The following STRN3 variants were observed in gnomAD, a reference collection of about 807,000 sequenced individuals.
The protein encoded by STRN3 is striatin 3.
In STRN3, 29 loss-of-function variants were observed where a neutral mutation model predicts 95.6. That is an observed-to-expected ratio of 0.30 (90% CI 0.23 to 0.41). STRN3 has a LOEUF of 0.41. Among genes scored for constraint, STRN3 ranks in the 10% least tolerant of loss-of-function variants. The pLI, the probability that STRN3 is intolerant of heterozygous loss-of-function variation, is 1.00. For synonymous variants in STRN3, 331 were observed against 357.6 expected, an observed-to-expected ratio of 0.93 and a Z score of 0.84; for missense variants, 890 against 972.1, an observed-to-expected ratio of 0.92 and a Z score of 1.12.
chr14:30,983,693 A>C (rs1020758098), intron 1 of STRN3, among the ~76,000 whole-genome samples: 8 of 152,234 alleles, frequency 5.3e-5, no homozygotes, highest in African/African-American at 1.7e-4. Context: ...GAAATATTTA[A>C]GAGAGTTAAG....
At chr14:30,969,943 C>T (rs528391305) in intron 1 of STRN3, among the ~76,000 whole-genome samples, 1 of 152,244 alleles carries the variant, frequency 6.6e-6, no homozygotes, top group South Asian at 2.1e-4. Flanking sequence ...GACTGCTGTT[C>T]GTACAGCGAA....
In STRN3 at chr14:30,906,858, A is replaced by C. The variant is rs538131785; in HGVS notation, c.1888+19T>G. 1.1e-4 allele frequency: 168 copies of C among 1,592,874 alleles called. No individual in the cohort carries two copies. Among genetic ancestry groups the C allele is most frequent in the Non-Finnish European group, 1.4e-4 (167 of 1,171,172 alleles). On this transcript the variant is annotated intron_variant, in intron 14 of 17. Transcript: ENST00000357479. Reference sequence around the variant, plus strand: ...TTTTAAAAAAACTAACTTTTCTCACAGATGCAAAATTTACTTACTTTTATC... The same window carrying C: ...TTTTAAAAAAACTAACTTTTCTCACCGATGCAAAATTTACTTACTTTTATC...
chr14:30,985,974 G>A (rs535815017), intron 1 of STRN3, among the ~76,000 whole-genome samples: 3 of 152,186 alleles, frequency 2.0e-5, no homozygotes, highest in Admixed American at 1.3e-4. Context: ...GCACTTGTGT[G>A]CATGCGCTTT....
intron 1 of STRN3, among the ~76,000 whole-genome samples, chr14:30,965,729 G>T (rs146612425): frequency 1.6e-3 from 219 of 133,412 alleles, no homozygotes; most frequent in African/African-American, 5.6e-3. Context: ...AACGAGAATC[G>T]CTTGTACCAG....
intron 1 of STRN3, among the ~76,000 whole-genome samples, chr14:30,978,951 T>C (rs1255216816): frequency 6.9e-6 from 1 of 145,772 alleles, no homozygotes; most frequent in Non-Finnish European, 1.5e-5. Flanking sequence ...GGAGAATCGT[T>C]TGAACCCATG....
At chr14:30,929,972 A>AAAAAC (rs1878442092) in intron 7 of STRN3, among the ~76,000 whole-genome samples, 1 of 149,500 alleles carries the variant, frequency 6.7e-6, no homozygotes, top group African/African-American at 2.5e-5. Context: ...AAAAAAAAAA[A>AAAAAC]AAAAAAACTC....
At chr14:30,996,835 AGGGCT>A (rs145217776) in intron 1 of STRN3, among the ~76,000 whole-genome samples, 35,141 of 151,522 alleles carry the variant, frequency 0.23, 4,291 homozygotes, top group Non-Finnish European at 0.26. Context: ...CACTGCACTC[AGGGCT>A]GGGTGACAGA....
chr14:31,021,204 T>G (rs2750115), intron 1 of STRN3, among the ~76,000 whole-genome samples: 59,894 of 151,918 alleles, frequency 0.39, 12,572 homozygotes, highest in Non-Finnish European at 0.47. Flanking sequence ...TGTATTGAAT[T>G]TGAGGTAGAA....
intron 1 of STRN3, among the ~76,000 whole-genome samples, chr14:30,959,530 TTAAA>T (rs1380566177): frequency 6.6e-6 from 1 of 152,140 alleles, no homozygotes; most frequent in African/African-American, 2.4e-5. Context: ...TAATGACCAA[TTAAA>T]TAATAAATTT....
chr14:30,951,815 A>C (rs758397442), intron 3 of STRN3, among the ~76,000 whole-genome samples: 9 of 152,206 alleles, frequency 5.9e-5, no homozygotes, highest in Non-Finnish European at 1.2e-4. Context: ...ACACATTAAA[A>C]AAAATAATAA....
At chr14:31,012,095 C>T (rs933929198) in intron 1 of STRN3, among the ~76,000 whole-genome samples, 3 of 152,144 alleles carry the variant, frequency 2.0e-5, no homozygotes, top group African/African-American at 4.8e-5. Flanking sequence ...AAAAAGAAAA[C>T]AAAAAAGCAA....
chr14:30,945,713 T>C (rs982478585), intron 5 of STRN3, among the ~76,000 whole-genome samples: 14 of 152,178 alleles, frequency 9.2e-5, no homozygotes, highest in African/African-American at 3.4e-4. Flanking sequence ...ATGCATGCTA[T>C]AACACGGATA....
intron 1 of STRN3, among the ~76,000 whole-genome samples, chr14:31,013,709 T>C (rs1466423858): frequency 6.6e-6 from 1 of 151,696 alleles, no homozygotes; most frequent in East Asian, 1.9e-4. Flanking sequence ...TCCTCTCCCC[T>C]GAGCCTCCAA....
At chr14:30,960,665 C>G (rs1048283208) in intron 1 of STRN3, among the ~76,000 whole-genome samples, 1 of 151,672 alleles carries the variant, frequency 6.6e-6, no homozygotes, top group Non-Finnish European at 1.5e-5. Flanking sequence ...GTCAGGAGAT[C>G]GAGACCATCC....
intron 1 of STRN3, among the ~76,000 whole-genome samples, chr14:30,986,125 T>C (rs907283391): frequency 6.6e-6 from 1 of 152,154 alleles, no homozygotes; most frequent in African/African-American, 2.4e-5. Flanking sequence ...AGTGAAGGTA[T>C]AAAAGTTCCC....
At chr14:30,939,208 G>A (rs1878972776) in intron 5 of STRN3, among the ~76,000 whole-genome samples, 1 of 152,172 alleles carries the variant, frequency 6.6e-6, no homozygotes, top group South Asian at 2.1e-4. Flanking sequence ...CCAGAAGACT[G>A]TCTCTATCTT....
rs181293347 is a variant in STRN3, at chr14:30,965,909, C to T, written c.283-9667G>A. On this transcript the variant is annotated intron_variant, in intron 1 of 17. Transcript: ENST00000357479. ...TATGTCAGTATGTTCCACTCTTTGCCTTCTACTTTTAAACTTAACTTCCTC... is the reference window on the plus strand; with the variant it reads ...TATGTCAGTATGTTCCACTCTTTGCTTTCTACTTTTAAACTTAACTTCCTC... Among the ~76,000 whole-genome samples the T allele has an allele frequency of 9.2e-5, 14 of 152,074 alleles. No individual in the cohort carries two copies. The South Asian group carries it at 2.1e-3, about 23-fold the overall frequency.
At chr14:30,913,039 CCCTTCCATCCACTCCCCAAT>C (rs1896650012) in intron 10 of STRN3, among the ~76,000 whole-genome samples, 1 of 152,120 alleles carries the variant, frequency 6.6e-6, no homozygotes, top group South Asian at 2.1e-4. Context: ...CACTCCCCAA[CCCTTCCATCCACTCCCCAAT>C]CCTCTAATGA....
chr14:30,943,415 CATA>C (rs1387645056), intron 5 of STRN3, among the ~76,000 whole-genome samples: 1 of 152,062 alleles, frequency 6.6e-6, no homozygotes, highest in Non-Finnish European at 1.5e-5. Context: ...GCCTGGGGAA[CATA>C]ATGAGGTCCT....
Sources: gnomAD v4.1 joint callset for allele counts (sites outside exome capture counted in the v4.1 genomes callset) on GRCh38, gnomAD v4.1.1 for gene constraint, MANE v1.5 for transcripts, NCBI Gene and HGNC (gene_info 2026-07-23, HGNC 2026-07-21) for gene names.